Variants in TENM3 observed in about 807,000 individuals in gnomAD.
The protein encoded by TENM3 is teneurin-3.
In TENM3, 63 loss-of-function variants were observed where a neutral mutation model predicts 255.1. The observed-to-expected ratio is 0.25, with a 90% CI of 0.20 to 0.30. The LOEUF (loss-of-function observed/expected upper bound fraction) is 0.30. Ranked by LOEUF, TENM3 falls within the 10% of genes least tolerant of loss-of-function variation. TENM3 has a pLI of 1.00. For missense variants in TENM3, 2,929 were observed against 3,461.1 expected, an observed-to-expected ratio of 0.85 and a Z score of 3.86; for synonymous variants, 1,306 against 1,322.3, an observed-to-expected ratio of 0.99 and a Z score of 0.27.
At chr4:181,704,820 G>A in the TENM3 span, among the ~76,000 whole-genome samples, 1 of 152,012 alleles carries the variant, frequency 6.6e-6, no homozygotes, top group African/African-American at 2.4e-5. Flanking sequence ...ATCCCCTGAG[G>A]TCAGGAGTTT....
chr4:181,665,606 CTA>C, the TENM3 span, among the ~76,000 whole-genome samples: 1 of 151,196 alleles, frequency 6.6e-6, no homozygotes, highest in African/African-American at 2.4e-5. Flanking sequence ...ATATAAGTGT[CTA>C]TATACAATGT....
chr4:182,101,843 A>T, the TENM3 span, among the ~76,000 whole-genome samples: 1 of 152,368 alleles, frequency 6.6e-6, no homozygotes, highest in African/African-American at 2.4e-5. Flanking sequence ...CTGTATAATC[A>T]TTCCACAATG....
the TENM3 span, among the ~76,000 whole-genome samples, chr4:182,102,296 T>G: frequency 6.6e-6 from 1 of 152,158 alleles, no homozygotes; most frequent in Non-Finnish European, 1.5e-5. Flanking sequence ...AGGAAGCTGG[T>G]CTTGATGGTG....
chr4:182,535,564 C>T (rs570342986), intron 3 of TENM3, among the ~76,000 whole-genome samples: 92 of 152,060 alleles, frequency 6.1e-4, no homozygotes, highest in African/African-American at 2.1e-3. Flanking sequence ...GTGAGACCCC[C>T]ATCTCTACAA....
At chr4:181,835,172 C>A in the TENM3 span, 1 of 152,144 alleles carries the variant, frequency 6.6e-6, no homozygotes, top group African/African-American at 2.4e-5. Context: ...AGAAACTGAA[C>A]TAGATTTTCA....
At chr4:182,561,456 A>AT (rs1743170626) in intron 3 of TENM3, among the ~76,000 whole-genome samples, 1 of 151,406 alleles carries the variant, frequency 6.6e-6, no homozygotes, top group Non-Finnish European at 1.5e-5. Context: ...TAAAAAAAAA[A>AT]GGAAAGAAAC....
chr4:182,107,273 G>C, the TENM3 span, among the ~76,000 whole-genome samples: 4 of 152,036 alleles, frequency 2.6e-5, no homozygotes, highest in Non-Finnish European at 5.9e-5. Flanking sequence ...CAAGGCTCTG[G>C]AAAGCTGCCC....
chr4:182,583,194 G>T (rs1267676862), intron 3 of TENM3, among the ~76,000 whole-genome samples: 1 of 151,810 alleles, frequency 6.6e-6, no homozygotes, highest in Non-Finnish European at 1.5e-5. Flanking sequence ...ACACATCCCA[G>T]AATAAGCCCC....
the TENM3 span, among the ~76,000 whole-genome samples, chr4:181,543,391 C>G: frequency 6.6e-6 from 1 of 152,002 alleles, no homozygotes; most frequent in Non-Finnish European, 1.5e-5. Flanking sequence ...AAGGAGGTGG[C>G]AGATGAACAA....
intron 5 of TENM3, among the ~76,000 whole-genome samples, chr4:182,650,740 G>A (rs934663922): frequency 7.3e-6 from 1 of 136,370 alleles, no homozygotes; most frequent in African/African-American, 2.5e-5. Flanking sequence ...CAATTTCAAA[G>A]TAGATAATAT....
intron 24 of TENM3, among the ~76,000 whole-genome samples, chr4:182,785,500 G>A (rs186920260): frequency 7.0e-4 from 106 of 151,530 alleles, no homozygotes; most frequent in African/African-American, 2.5e-3. Flanking sequence ...CTAAGCCCAG[G>A]AGTTTGAGAC....
At chr4:182,449,197 C>CGGTGGCGGT (rs1773229815) in intron 3 of TENM3, 2 of 46,064 alleles carry the variant, frequency 4.3e-5, no homozygotes, top group East Asian at 6.6e-4. Flanking sequence ...GCGGCGGTGG[C>CGGTGGCGGT]GGTGGCGGTG....
chr4:181,902,068 G>A, the TENM3 span, among the ~76,000 whole-genome samples: 1 of 151,590 alleles, frequency 6.6e-6, no homozygotes, highest in African/African-American at 2.4e-5. Context: ...AAAAATCTGG[G>A]AGTCCATATG....
At chr4:181,487,712 A>G in the TENM3 span, among the ~76,000 whole-genome samples, 3 of 152,100 alleles carry the variant, frequency 2.0e-5, no homozygotes, top group Non-Finnish European at 4.4e-5. Context: ...GCATCTCTGG[A>G]TATCTGACCT....
chr4:182,627,986 G>A (rs1750993907), intron 4 of TENM3, among the ~76,000 whole-genome samples: 1 of 152,020 alleles, frequency 6.6e-6, no homozygotes, highest in South Asian at 2.1e-4. Context: ...GATGTTCCAT[G>A]ATTCCTTCCC....
the TENM3 span, among the ~76,000 whole-genome samples, chr4:181,687,646 G>C: frequency 4.6e-5 from 7 of 152,124 alleles, no homozygotes; most frequent in Admixed American, 1.3e-4. Context: ...TGTATATCCT[G>C]TTTGGAGCAG....
intron 1 of TENM3, among the ~76,000 whole-genome samples, chr4:182,225,950 A>C (rs966457091): frequency 6.6e-6 from 1 of 152,172 alleles, no homozygotes; most frequent in African/African-American, 2.4e-5. Context: ...CTTTTAATGG[A>C]GACCTTGAAA....
chr4:181,845,082 T>A, the TENM3 span, among the ~76,000 whole-genome samples: 4 of 152,250 alleles, frequency 2.6e-5, no homozygotes, highest in Admixed American at 6.5e-5. Context: ...TAAGTCTACT[T>A]TGTTTCTAAA....
the TENM3 span, among the ~76,000 whole-genome samples, chr4:181,866,718 C>T: frequency 6.6e-6 from 1 of 152,122 alleles, no homozygotes; most frequent in Non-Finnish European, 1.5e-5. Context: ...CAAATAACCA[C>T]TTTTCCGTAT....
Sources: gnomAD v4.1 joint callset for allele counts (sites outside exome capture counted in the v4.1 genomes callset) on GRCh38, gnomAD v4.1.1 for gene constraint, MANE v1.5 for transcripts, NCBI Gene and HGNC (gene_info 2026-07-23, HGNC 2026-07-21) for gene names.